FBXL17: variants seen among roughly 807,000 people sequenced by gnomAD.
The protein encoded by FBXL17 is F-box and leucine rich repeat protein 17.
FBXL17 carries 22 observed loss-of-function variants against 66.2 expected under a neutral mutation model. The observed-to-expected ratio is 0.33, with a 90% CI of 0.24 to 0.47. The LOEUF (loss-of-function observed/expected upper bound fraction) is 0.47. Among genes scored for constraint, FBXL17 ranks in the 20% least tolerant of loss-of-function variants. The pLI is 1.00. For synonymous variants in FBXL17, 474 were observed against 400.5 expected (o/e 1.18, Z -2.19); for missense variants, 878 against 948.2 (o/e 0.93, Z 0.97).
rs568463004 is a variant in FBXL17 at position 108,295,670 on chromosome 5, G to C, written c.1506+52729C>G. Among the ~76,000 whole-genome samples, 4 of 152,038 alleles carry C rather than the reference G, an allele frequency of 2.6e-5. No homozygotes were observed. The South Asian group carries it at 8.3e-4, about 32-fold the overall frequency. On this transcript the variant is annotated intron_variant, in intron 4 of 8. Coordinates refer to ENST00000542267, the MANE Select transcript of FBXL17 (RefSeq NM_001163315.3). ...ACACACACAATCAACAAACCTTCTA[G>C]TAATAAGAGATCTTCCAGTAATACA... is the stretch of plus-strand genomic sequence containing the variant.
At chr5:108,367,796 GT>G (rs1294669368) in intron 2 of FBXL17, 34 bp downstream of exon 2, 2 of 1,525,592 alleles carry the variant, frequency 1.3e-6, no homozygotes, top group African/African-American at 2.8e-5. Context: ...TTTTGAGTAG[GT>G]CATATGAGTG....
intron 4 of FBXL17, chr5:108,298,872 G>A: frequency 1.1e-6 from 1 of 926,340 alleles, no homozygotes; most frequent in Non-Finnish European, 1.3e-6. Flanking sequence ...TATTCTTGCA[G>A]TTTTTAAAAT....
intron 6 of FBXL17, among the ~76,000 whole-genome samples, chr5:108,085,650 T>A (rs570781463): frequency 2.6e-5 from 4 of 152,016 alleles, no homozygotes; most frequent in African/African-American, 9.7e-5. Context: ...AACAGAACAC[T>A]GGGGCTAGGT....
intron 6 of FBXL17, among the ~76,000 whole-genome samples, chr5:108,096,889 A>G (rs548646043): frequency 2.6e-5 from 4 of 152,218 alleles, no homozygotes; most frequent in Non-Finnish European, 4.4e-5. Context: ...AAAGTCCCCT[A>G]TGGTGTGTTG....
chr5:108,143,204 C>T (rs1490954282), intron 6 of FBXL17, among the ~76,000 whole-genome samples: 1 of 151,944 alleles, frequency 6.6e-6, no homozygotes, highest in Non-Finnish European at 1.5e-5. Flanking sequence ...TTGGGGACCA[C>T]TGCCTTACAT....
At chr5:108,121,461 T>C (rs182595073) in intron 6 of FBXL17, among the ~76,000 whole-genome samples, 1 of 152,216 alleles carries the variant, frequency 6.6e-6, no homozygotes, top group Non-Finnish European at 1.5e-5. Flanking sequence ...GGAAAATCTT[T>C]CTAAGTTATA....
intron 7 of FBXL17, among the ~76,000 whole-genome samples, chr5:107,943,464 T>C (rs931922667): frequency 6.6e-6 from 1 of 152,080 alleles, no homozygotes; most frequent in Non-Finnish European, 1.5e-5. Context: ...CAGAGCAGTG[T>C]TGCCAAATTT....
intron 7 of FBXL17, among the ~76,000 whole-genome samples, chr5:107,884,663 T>C (rs1291043912): frequency 1.3e-5 from 2 of 152,246 alleles, no homozygotes; most frequent in Non-Finnish European, 2.9e-5. Context: ...ACCTGTAATG[T>C]GGTCTAGTCT....
Position 108,380,804 on chromosome 5 carries a change from G to A in FBXL17, c.888C>T (p.Gly296=). 1 of 1,248,190 alleles carries A rather than the reference G, an allele frequency of 8.0e-7. No homozygotes were observed. The highest frequency in any genetic ancestry group is 1.0e-6 in the Non-Finnish European group (1 of 988,106). The allele number at this position is 1,248,190 out of a possible 1,614,324, so 77.3% of individuals were successfully genotyped here. The change falls in exon 1 of 9, where the codon GGC becomes GGT. Residue 296 remains glycine, a synonymous_variant. Coordinates refer to ENST00000542267, the MANE Select transcript of FBXL17 (RefSeq NM_001163315.3). ...PLSAQQQHEC[G]DADCRESPEN... ...CGGGGGACTCCCGACAGTCCGCGTC[G>A]CCACATTCATGCTGCTGCTGGGCGG...
chr5:108,305,753 CA>C (rs1182835550), intron 4 of FBXL17, among the ~76,000 whole-genome samples: 1 of 152,032 alleles, frequency 6.6e-6, no homozygotes, highest in African/African-American at 2.4e-5. Context: ...ACAATCTCAG[CA>C]AAAAGGCAGT....
intron 4 of FBXL17, among the ~76,000 whole-genome samples, chr5:108,347,932 T>C (rs1747386167): frequency 6.6e-6 from 1 of 152,178 alleles, no homozygotes; most frequent in African/African-American, 2.4e-5. Context: ...TCTATGTAAT[T>C]GCCCTATTAT....
chr5:108,306,621 A>C (rs1356050308), intron 4 of FBXL17, among the ~76,000 whole-genome samples: 1 of 152,036 alleles, frequency 6.6e-6, no homozygotes, highest in Non-Finnish European at 1.5e-5. Flanking sequence ...ATCTTTGATA[A>C]ATTGTTTTCT....
intron 8 of FBXL17, among the ~76,000 whole-genome samples, chr5:107,862,110 G>C (rs1015025018): frequency 7.2e-5 from 11 of 152,116 alleles, no homozygotes; most frequent in African/African-American, 2.4e-4. Flanking sequence ...GTGTTTTCTA[G>C]AAGCATAAAT....
At chr5:107,992,456 G>T (rs1753289192) in intron 7 of FBXL17, among the ~76,000 whole-genome samples, 1 of 152,022 alleles carries the variant, frequency 6.6e-6, no homozygotes, top group Non-Finnish European at 1.5e-5. Context: ...ATATAAAAAA[G>T]GCTATAAGTC....
chr5:107,990,247 T>C (rs868126682), intron 7 of FBXL17, among the ~76,000 whole-genome samples: 16 of 152,246 alleles, frequency 1.1e-4, no homozygotes, highest in South Asian at 2.1e-4. Flanking sequence ...TCTGGGATAG[T>C]AGGGATGGGT....
At chr5:108,290,525 A>T (rs1037969130) in intron 4 of FBXL17, among the ~76,000 whole-genome samples, 5 of 152,098 alleles carry the variant, frequency 3.3e-5, no homozygotes, top group Admixed American at 2.6e-4. Context: ...TTCAAATCAG[A>T]TTGGCAAATA....
At chr5:108,360,513 A>C (rs1748276811) in intron 3 of FBXL17, among the ~76,000 whole-genome samples, 1 of 152,072 alleles carries the variant, frequency 6.6e-6, no homozygotes, top group South Asian at 2.1e-4. Context: ...TGCTGCTTTG[A>C]AGATTCTGTC....
chr5:108,082,385 T>G (rs1163994511), intron 6 of FBXL17, among the ~76,000 whole-genome samples: 1 of 152,192 alleles, frequency 6.6e-6, no homozygotes, highest in Non-Finnish European at 1.5e-5. Context: ...AGCATTGTTA[T>G]AAAAATTAAA....
At chr5:107,940,392 A>G (rs1231192278) in intron 7 of FBXL17, among the ~76,000 whole-genome samples, 1 of 152,166 alleles carries the variant, frequency 6.6e-6, no homozygotes, top group Non-Finnish European at 1.5e-5. Context: ...ACAAACAACA[A>G]CAGTGAGATG....
Sources: allele counts gnomAD v4.1 joint callset (sites outside exome capture counted in the v4.1 genomes callset), GRCh38; gene constraint gnomAD v4.1.1; transcripts MANE v1.5; gene names NCBI Gene and HGNC (gene_info 2026-07-23, HGNC 2026-07-21).